The following UNC13B variants were observed in gnomAD, a reference collection of about 807,000 sequenced individuals.
UNC13B encodes the protein unc-13 homolog B, also known as protein unc-13 homolog B.
In UNC13B, 144 loss-of-function variants were observed where a neutral mutation model predicts 211.0. The ratio of observed to expected loss-of-function variants is 0.68; its 90% confidence interval spans 0.60 to 0.78. The LOEUF is 0.78. UNC13B is among the 30% of genes least tolerant of loss of function. The pLI, the probability that UNC13B is intolerant of heterozygous loss-of-function variation, is 0.00. For missense variants in UNC13B, 1,777 were observed against 2,002.0 expected (o/e 0.89, Z 2.14); for synonymous variants, 709 against 725.8 (o/e 0.98, Z 0.37).
chr9:35,343,624 A>G (rs1490783565), intron 11 of UNC13B, among the ~76,000 whole-genome samples: 1 of 152,186 alleles, frequency 6.6e-6, no homozygotes, highest in Non-Finnish European at 1.5e-5. Context: ...CAAAGTGAGC[A>G]GGTGAAAAGA....
intron 11 of UNC13B, among the ~76,000 whole-genome samples, chr9:35,315,324 T>G (rs780008429): frequency 6.6e-6 from 1 of 152,180 alleles, no homozygotes; most frequent in Non-Finnish European, 1.5e-5. Flanking sequence ...TGGCAGATAT[T>G]AAAAGCACAA....
In UNC13B at chr9:35,377,031, A is replaced by G. The variant is rs550731957; in HGVS notation, c.9836-437A>G. Among the ~76,000 whole-genome samples the G allele has an allele frequency of 2.6e-5, 4 of 152,348 alleles. No homozygotes were observed. The South Asian group carries it at 8.3e-4, about 32-fold the overall frequency. ...GCCAAGCTGTAGCACTGAAAGCTTT[A>G]AAGATTGTGCTAGGAGAAGGGAAGG... On this transcript the variant is annotated intron_variant, in intron 15 of 39. Transcript: ENST00000635942.
Position 35,397,166 on chromosome 9 carries a change from G to A in UNC13B, c.11533-1G>A. 2 of 1,614,022 alleles carry A rather than the reference G, an allele frequency of 1.2e-6. No homozygotes were observed. The highest frequency in any genetic ancestry group is 1.7e-6 in the Non-Finnish European group (2 of 1,179,938). ...GTGACCCTGTGTGTGGTCTTCCTTAGTTCCAGCAGACATCAGAGCATGCAC... is the reference window on the plus strand; with the variant it reads ...GTGACCCTGTGTGTGGTCTTCCTTAATTCCAGCAGACATCAGAGCATGCAC... On this transcript the variant is annotated splice_acceptor_variant, in intron 28 of 39. Transcript: ENST00000635942. LOFTEE classifies it high-confidence loss of function.
chr9:35,244,692 C>T (rs1825988191), intron 6 of UNC13B, among the ~76,000 whole-genome samples: 1 of 152,036 alleles, frequency 6.6e-6, no homozygotes, highest in Non-Finnish European at 1.5e-5. Context: ...CTCTGTGTGT[C>T]TGTGTCTAAA....
intron 1 of UNC13B, among the ~76,000 whole-genome samples, chr9:35,197,670 C>A (rs1251939135): frequency 6.6e-6 from 1 of 151,550 alleles, no homozygotes; most frequent in Non-Finnish European, 1.5e-5. Flanking sequence ...AGGTGATGGG[C>A]CATGGGGGCG....
At chr9:35,238,908 C>CTT (rs1825660334) in intron 5 of UNC13B, among the ~76,000 whole-genome samples, 4 of 128,198 alleles carry the variant, frequency 3.1e-5, no homozygotes, top group Non-Finnish European at 6.7e-5. Flanking sequence ...TGGGTTTTTT[C>CTT]ATTTTTTTTT....
intron 7 of UNC13B, among the ~76,000 whole-genome samples, chr9:35,275,967 A>G (rs889999857): frequency 3.9e-5 from 6 of 152,056 alleles, no homozygotes; most frequent in Admixed American, 2.0e-4. Context: ...ATACTTCTTG[A>G]TCAGTGTCTT....
intron 37 of UNC13B, chr9:35,402,125 A>T (rs1332645172): frequency 1.1e-6 from 1 of 909,698 alleles, no homozygotes; most frequent in Non-Finnish European, 1.7e-6. Context: ...TAGGAGCTCT[A>T]TCTCAAGTCT....
At chr9:35,207,340 A>G (rs62543168) in intron 1 of UNC13B, among the ~76,000 whole-genome samples, 1,549 of 152,108 alleles carry the variant, frequency 0.01, 10 homozygotes, top group Non-Finnish European at 0.016. Flanking sequence ...GCTCACTGCA[A>G]CCTTGAACTT....
chr9:35,290,234 C>A (rs990419480), intron 7 of UNC13B, among the ~76,000 whole-genome samples: 1 of 152,066 alleles, frequency 6.6e-6, no homozygotes, highest in Non-Finnish European at 1.5e-5. Flanking sequence ...GAAGAAGTGG[C>A]TCTCTTTAAG....
intron 7 of UNC13B, among the ~76,000 whole-genome samples, chr9:35,271,401 C>T (rs1827872404): frequency 6.6e-6 from 1 of 152,142 alleles, no homozygotes; most frequent in Non-Finnish European, 1.5e-5. Flanking sequence ...ATCATGTTTA[C>T]TTTTGCAGGT....
chr9:35,309,553 G>A (rs1389593174), intron 9 of UNC13B, among the ~76,000 whole-genome samples: 1 of 152,146 alleles, frequency 6.6e-6, no homozygotes, highest in Non-Finnish European at 1.5e-5. Context: ...GTAACTTCTA[G>A]ATACTGCTCT....
At chr9:35,288,966 C>A (rs2131764572) in intron 7 of UNC13B, among the ~76,000 whole-genome samples, 1 of 151,246 alleles carries the variant, frequency 6.6e-6, no homozygotes, top group East Asian at 1.9e-4. Flanking sequence ...GAAGTAATTA[C>A]CCTCTAGCAG....
intron 1 of UNC13B, among the ~76,000 whole-genome samples, chr9:35,225,486 G>A (rs1373087230): frequency 6.6e-6 from 1 of 152,030 alleles, no homozygotes; most frequent in African/African-American, 2.4e-5. Context: ...ATTGATATTT[G>A]TGTATGTGTT....
chr9:35,384,825 G>T (rs567706428), intron 22 of UNC13B: 4 of 820,626 alleles, frequency 4.9e-6, no homozygotes, highest in East Asian at 1.2e-4. Context: ...TTACTGGGAC[G>T]GGACAGGATA....
At chr9:35,223,786 A>G (rs751734128) in intron 1 of UNC13B, among the ~76,000 whole-genome samples, 11 of 152,032 alleles carry the variant, frequency 7.2e-5, no homozygotes, top group Non-Finnish European at 1.5e-4. Context: ...GTAGTTTTAA[A>G]GTTTTGGGTC....
chr9:35,381,418 A>G, intron 19 of UNC13B, 138 bp from the exon 20 acceptor site: 1 of 1,150,314 alleles, frequency 8.7e-7, no homozygotes. Flanking sequence ...CTGGGGCCAC[A>G]GGAGGAACTG....
Position 35,370,335 on chromosome 9 carries a change from A to G in UNC13B, c.9479A>G (p.Tyr3160Cys), listed in dbSNP as rs1342902504. 16 of 1,613,850 alleles carry G rather than the reference A, an allele frequency of 9.9e-6. No homozygotes were observed. Among genetic ancestry groups the G allele is most frequent in the East Asian group, 2.2e-5 (1 of 44,890 alleles). The change falls in exon 13 of 40, where the codon TAT becomes TGT. Residue 3160 changes from tyrosine (Y) to cysteine (C), a missense_variant. Transcript: ENST00000635942. ...CTCCTCAGGCCAGCCGGAGGGCTCT[A>G]TGGCATTGACAGCATGCCAGATTTA... ...WLPEGPAGGL[Y>C]GIDSMPDLRR... is the part of the protein sequence containing the mutation.
chr9:35,295,936 T>C lies in UNC13B; in HGVS notation c.761+6T>C. ...CCAGAGCGGCGGGCTATCAGGTGGG[T>C]ATTGAGCACAAAGTACTTTCTCTTC... On this transcript the variant is annotated splice_donor_region_variant and intron_variant, in intron 8 of 39. Coordinates refer to ENST00000635942, the MANE Select transcript of UNC13B (RefSeq NM_001371189.2). 1 of 1,592,978 alleles carries C rather than the reference T, an allele frequency of 6.3e-7. No individual in the cohort carries two copies. The highest frequency in any genetic ancestry group is 8.6e-7 in the Non-Finnish European group (1 of 1,168,834).
Sources: allele counts gnomAD v4.1 joint callset (sites outside exome capture counted in the v4.1 genomes callset), GRCh38; gene constraint gnomAD v4.1.1; transcripts MANE v1.5; gene names NCBI Gene and HGNC (gene_info 2026-07-23, HGNC 2026-07-21).